Variants in MTOR observed in about 807,000 individuals in gnomAD.
The protein encoded by MTOR is mechanistic target of rapamycin kinase, also known as serine/threonine-protein kinase mTOR.
Under a neutral mutation model 319.8 loss-of-function variants are expected in MTOR, and 70 were observed. The observed-to-expected ratio is 0.22, with a 90% CI of 0.18 to 0.27. MTOR has a LOEUF of 0.27. MTOR is among the 10% of genes least tolerant of loss of function. The pLI, the probability that MTOR is intolerant of heterozygous loss-of-function variation, is 1.00. For missense variants in MTOR, 1,890 were observed against 3,274.4 expected (o/e 0.58, Z 10.32); for synonymous variants, 1,183 against 1,211.4 (o/e 0.98, Z 0.49).
intron 26 of MTOR, among the ~76,000 whole-genome samples, chr1:11,202,592 C>T (rs1646013056): frequency 6.6e-6 from 1 of 151,600 alleles, no homozygotes; most frequent in African/African-American, 2.4e-5. Flanking sequence ...AAACCTGCAC[C>T]TGTACTCCAA....
At position 11,121,413 on chromosome 1, in the gene MTOR, TG is replaced by T; in HGVS notation, c.6811-46del. 1.2e-6 allele frequency: 2 copies of T among 1,609,068 alleles called. No individual in the cohort carries two copies. The highest frequency in any genetic ancestry group is 2.2e-5 in the South Asian group (2 of 90,776). ...TTCAGTAAGAGAGCAGCCTAAGACA[TG>T]TAGTTTGGGTCCAGGAAGAAACAAG... On this transcript the variant is annotated intron_variant, in intron 48 of 57. Coordinates refer to ENST00000361445, the MANE Select transcript of MTOR (RefSeq NM_004958.4). The surrounding 1 kb of genome is among the most constrained non-coding windows in gnomAD (Gnocchi z 4.9).
chr1:11,227,206 G>A lies in MTOR; in HGVS notation c.3030+1462C>T, dbSNP rs180672662. The stretch of plus-strand genomic sequence containing the variant: ...CCAGCTACTCAAGAGGCTGAGGCAG[G>A]AGAATTGCTTGAACCTGAGAGGCAG... On this transcript the variant is annotated intron_variant, in intron 19 of 57. Coordinates refer to ENST00000361445, the MANE Select transcript of MTOR (RefSeq NM_004958.4). Among the ~76,000 whole-genome samples, 507 of 147,946 alleles carry A rather than the reference G, an allele frequency of 3.4e-3. 5 individuals carry two copies. Among genetic ancestry groups the A allele is most frequent in the African/African-American group, 0.012 (478 of 39,316 alleles).
At chr1:11,108,712 C>CA (rs758531091) in intron 56 of MTOR, among the ~76,000 whole-genome samples, 1,766 of 49,252 alleles carry the variant, frequency 0.036, 35 homozygotes, top group African/African-American at 0.082. Flanking sequence ...GACCCTGTCT[C>CA]AAAAAAAAAA....
At chr1:11,233,827 C>G (rs1647103104) in intron 14 of MTOR, among the ~76,000 whole-genome samples, 1 of 152,220 alleles carries the variant, frequency 6.6e-6, no homozygotes, top group Non-Finnish European at 1.5e-5. Flanking sequence ...TTCAGATTTT[C>G]AAGCTCATTT....
chr1:11,249,744 C>T (rs546336211), intron 6 of MTOR, among the ~76,000 whole-genome samples: 26 of 144,556 alleles, frequency 1.8e-4, no homozygotes, highest in Non-Finnish European at 2.9e-4. Flanking sequence ...GGTAAGGTCA[C>T]AGATCAACAG....
In MTOR at chr1:11,243,383, T is replaced by C. The variant is rs79904449; in HGVS notation, c.1226-83A>G. 427 of 1,322,156 alleles carry C rather than the reference T, an allele frequency of 3.2e-4. 1 individual carries two copies. In the African/African-American group the frequency reaches 6.0e-3, roughly 19 times the overall value. 81.9% of individuals were successfully genotyped at this position (1,322,156 alleles called of 1,614,324 possible). On this transcript the variant is annotated intron_variant, in intron 8 of 57. Transcript: ENST00000361445. ...AACAGTCAAAGGTCCTATAAAGCAATTCAGTTTAAGAATAAATTAAGAAAG... is the reference window on the plus strand; with the variant it reads ...AACAGTCAAAGGTCCTATAAAGCAACTCAGTTTAAGAATAAATTAAGAAAG...
intron 28 of MTOR, among the ~76,000 whole-genome samples, chr1:11,193,964 C>T (rs1342334379): frequency 2.6e-5 from 4 of 152,064 alleles, no homozygotes; most frequent in African/African-American, 7.2e-5. Context: ...CCCAACCCCC[C>T]GACAAAAGTG....
intron 31 of MTOR, among the ~76,000 whole-genome samples, chr1:11,149,916 G>A (rs990940727): frequency 4.6e-5 from 7 of 152,066 alleles, no homozygotes; most frequent in Non-Finnish European, 8.8e-5. Flanking sequence ...GCCTCCCCAC[G>A]AAGATCCAAT....
At chr1:11,197,052 G>A (rs548083716) in intron 28 of MTOR, among the ~76,000 whole-genome samples, 1 of 152,208 alleles carries the variant, frequency 6.6e-6, no homozygotes, top group Non-Finnish European at 1.5e-5. Flanking sequence ...GTTGGGGGAG[G>A]GTTAGTAGTA....
rs1447287587 is a variant in MTOR, at chr1:11,127,468, T to C, written c.6216+156A>G. Reference sequence around the variant, plus strand: ...GCTCTGTGACCTCCATCAGAGCTCGTTTTATTAAAGTCAGTGGAAAGGCCA... The same window carrying C: ...GCTCTGTGACCTCCATCAGAGCTCGCTTTATTAAAGTCAGTGGAAAGGCCA... On this transcript the variant is annotated intron_variant, in intron 44 of 57. Transcript: ENST00000361445. This position sits in a 1 kb window ranked among gnomAD's most constrained non-coding sequence, Gnocchi z 5.5. Among the ~76,000 whole-genome samples the C allele has an allele frequency of 1.3e-5, 2 of 152,182 alleles. No homozygotes were observed. The highest frequency in any genetic ancestry group is 1.5e-5 in the Non-Finnish European group (1 of 68,020).
chr1:11,258,254 T>C (rs1454075915), intron 3 of MTOR, among the ~76,000 whole-genome samples: 1 of 152,216 alleles, frequency 6.6e-6, no homozygotes, highest in African/African-American at 2.4e-5. Context: ...TGGCTTCTAG[T>C]CTCAGCTCTG....
chr1:11,191,884 G>A (rs1645548143), intron 28 of MTOR, among the ~76,000 whole-genome samples: 1 of 152,198 alleles, frequency 6.6e-6, no homozygotes, highest in African/African-American at 2.4e-5. Flanking sequence ...CGACTGATTT[G>A]TTATAGTGGC....
intron 19 of MTOR, among the ~76,000 whole-genome samples, chr1:11,227,822 C>T (rs1260354732): frequency 2.6e-5 from 4 of 152,026 alleles, no homozygotes; most frequent in Admixed American, 6.6e-5. Flanking sequence ...CTAAAATCAC[C>T]GGATGGAAGG....
intron 57 of MTOR, 135 bp downstream of exon 57, chr1:11,108,046 T>G (rs1234483768): frequency 3.2e-6 from 2 of 626,946 alleles, no homozygotes; most frequent in Non-Finnish European, 5.6e-6. Context: ...TAAATATGAA[T>G]TTTTAAAGAG....
chr1:11,259,497 C>A (rs996302116), intron 1 of MTOR, 74 bp from the exon 2 acceptor site: 40 of 1,461,164 alleles, frequency 2.7e-5, no homozygotes, highest in Non-Finnish European at 3.6e-5. Context: ...CCCTGGTCAC[C>A]CAACACAGAT....
chr1:11,124,161 C>T (rs1023952214), intron 47 of MTOR, among the ~76,000 whole-genome samples: 4 of 152,012 alleles, frequency 2.6e-5, no homozygotes, highest in Admixed American at 2.0e-4. Flanking sequence ...AATTCCTGGG[C>T]TCAAGTGATC....
At chr1:11,238,122 A>C in intron 12 of MTOR, 74 bp from the exon 13 acceptor site, 3 of 1,415,556 alleles carry the variant, frequency 2.1e-6, no homozygotes, top group Non-Finnish European at 3.0e-6. Context: ...TTCTACCTCC[A>C]CTGCCATCAG....
chr1:11,109,165 C>CT lies in MTOR; in HGVS notation c.7528+124dup. ...TTTAACTGATGACCTCAAAGACACT[C>CT]TTTGTCAGCTGCATGGTGCCAAAGC... On this transcript the variant is annotated intron_variant, in intron 56 of 57. Transcript: ENST00000361445. This position sits in a 1 kb window ranked among gnomAD's most constrained non-coding sequence, Gnocchi z 4.0. 1.3e-6 allele frequency: 1 copy of CT among 762,122 alleles called. No homozygotes were observed. Among genetic ancestry groups the CT allele is most frequent in the South Asian group, 1.7e-5 (1 of 57,166 alleles). 47.2% of individuals were successfully genotyped at this position (762,122 alleles called of 1,614,324 possible). A position where few individuals can be genotyped will look rare whatever the true frequency, so the allele number is the denominator to read the frequency against.
chr1:11,260,301 G>T, intron 1 of MTOR, among the ~76,000 whole-genome samples: 1 of 152,238 alleles, frequency 6.6e-6, no homozygotes, highest in East Asian at 1.9e-4. Flanking sequence ...CCGGCACTTT[G>T]GGAGCCCAAG....
Sources: gnomAD v4.1 joint callset for allele counts (sites outside exome capture counted in the v4.1 genomes callset) on GRCh38, gnomAD v4.1.1 for gene constraint, Gnocchi (gnomAD v3.1) non-coding constraint, MANE v1.5 for transcripts, NCBI Gene and HGNC (gene_info 2026-07-23, HGNC 2026-07-21) for gene names.